The following NPSR1 variants were observed in gnomAD, a reference collection of about 807,000 sequenced individuals.
NPSR1 encodes neuropeptide S receptor.
NPSR1 carries 48 observed loss-of-function variants against 46.9 expected under a neutral mutation model. The observed-to-expected ratio is 1.02, with a 90% CI of 0.81 to 1.30. NPSR1 has a LOEUF of 1.30. Ranked by LOEUF, NPSR1 falls within the 50% of genes most tolerant of loss-of-function variation. NPSR1 has a pLI of 0.00. For synonymous variants in NPSR1, 176 were observed against 168.1 expected, an observed-to-expected ratio of 1.05 and a Z score of -0.36; for missense variants, 450 against 449.5, an observed-to-expected ratio of 1.00 and a Z score of -0.01.
chr7:34,860,852 C>T (rs1228798795), intron 8 of NPSR1, among the ~76,000 whole-genome samples: 1 of 151,874 alleles, frequency 6.6e-6, no homozygotes, highest in African/African-American at 2.4e-5. Flanking sequence ...CCCACTCTCC[C>T]CACTCCCATC....
chr7:34,689,443 A>C (rs955048283), intron 2 of NPSR1, among the ~76,000 whole-genome samples: 21 of 151,546 alleles, frequency 1.4e-4, no homozygotes, highest in African/African-American at 5.1e-4. Flanking sequence ...GTTTCTACTA[A>C]AAATGCAAAA....
chr7:34,817,731 G>A (rs896307872), intron 4 of NPSR1, among the ~76,000 whole-genome samples: 28 of 151,646 alleles, frequency 1.8e-4, no homozygotes, highest in Admixed American at 4.6e-4. Flanking sequence ...TGATCAAGTC[G>A]GCTTCATCCC....
chr7:34,757,477 T>C (rs535186457), intron 2 of NPSR1, among the ~76,000 whole-genome samples: 5 of 152,242 alleles, frequency 3.3e-5, no homozygotes, highest in African/African-American at 9.6e-5. Context: ...ACTTCCTTAG[T>C]GACAAAGATT....
At chr7:34,702,003 A>T (rs578185271) in intron 2 of NPSR1, among the ~76,000 whole-genome samples, 7 of 152,206 alleles carry the variant, frequency 4.6e-5, no homozygotes, top group Non-Finnish European at 1.0e-4. Context: ...ATAAGGATTT[A>T]TTTTTATCTT....
intron 2 of NPSR1, among the ~76,000 whole-genome samples, chr7:34,713,084 C>T (rs1246957594): frequency 6.6e-6 from 1 of 152,130 alleles, no homozygotes; most frequent in Non-Finnish European, 1.5e-5. Flanking sequence ...TTAAGGACAC[C>T]GCCCTTCTGT....
At chr7:34,744,561 TC>T (rs1405612263) in intron 2 of NPSR1, among the ~76,000 whole-genome samples, 1 of 152,200 alleles carries the variant, frequency 6.6e-6, no homozygotes, top group Non-Finnish European at 1.5e-5. Context: ...TGGCTGGACT[TC>T]CTTCTAGTGT....
chr7:34,679,772 T>C lies in NPSR1; in HGVS notation c.148-4780T>C, dbSNP rs1583792491. Reference sequence around the variant, plus strand: ...TTTCATTAAAATGTGTAAACAAAAATTATTAGTAATAAAAGGTAAACTTTA... The same window carrying C: ...TTTCATTAAAATGTGTAAACAAAAACTATTAGTAATAAAAGGTAAACTTTA... On this transcript the variant is annotated intron_variant, in intron 1 of 8. Coordinates refer to ENST00000360581, the MANE Select transcript of NPSR1 (RefSeq NM_207172.2). Among the ~76,000 whole-genome samples, 4 of 152,180 alleles carry C rather than the reference T, an allele frequency of 2.6e-5. No homozygotes were observed. In the South Asian group the frequency reaches 8.3e-4, roughly 32 times the overall value.
chr7:34,830,294 C>T (rs867848126), intron 5 of NPSR1, among the ~76,000 whole-genome samples: 2 of 152,152 alleles, frequency 1.3e-5, no homozygotes, highest in Admixed American at 6.5e-5. Flanking sequence ...AGTGTTCACT[C>T]GTGTTCACCA....
intron 3 of NPSR1, among the ~76,000 whole-genome samples, chr7:34,792,783 C>CG (rs1477039743): frequency 4.6e-4 from 64 of 137,708 alleles, no homozygotes; most frequent in Middle Eastern, 3.8e-3. Context: ...ACTCAGGAGG[C>CG]TGAGGTAGTA....
At chr7:34,818,678 G>C (rs557025538) in intron 4 of NPSR1, among the ~76,000 whole-genome samples, 6 of 152,112 alleles carry the variant, frequency 3.9e-5, no homozygotes, top group Non-Finnish European at 7.4e-5. Context: ...GTAGTACAAG[G>C]CCACAGTAAC....
At position 34,849,622 on chromosome 7, in the gene NPSR1, G is replaced by A. The variant is rs1790874540; in HGVS notation, c.1083G>A (p.Glu361=). The change falls in exon 9 of 9, where the codon GAG becomes GAA. Residue 361 remains glutamate, a synonymous_variant. Coordinates refer to ENST00000360581, the MANE Select transcript of NPSR1 (RefSeq NM_207172.2). ...TCCGGGAGAGAACTGAGAGGCATGA[G>A]ATGCAGATTCTGTCCAAGCCAGAAT... ...MTFRERTERH[E]MQILSKPEFI is the part of the protein sequence containing the mutation. 2 of 1,614,072 alleles carry A rather than the reference G, an allele frequency of 1.2e-6. No homozygotes were observed. Among genetic ancestry groups the A allele is most frequent in the African/African-American group, 1.3e-5 (1 of 74,910 alleles).
intron 2 of NPSR1, among the ~76,000 whole-genome samples, chr7:34,761,383 T>A (rs1434952813): frequency 6.6e-6 from 1 of 152,176 alleles, no homozygotes; most frequent in Non-Finnish European, 1.5e-5. Flanking sequence ...GCTAAAAAGC[T>A]GAGGCAAACC....
chr7:34,873,449 G>T (rs936950754), intron 8 of NPSR1, among the ~76,000 whole-genome samples: 2 of 151,698 alleles, frequency 1.3e-5, no homozygotes, highest in Non-Finnish European at 2.9e-5. Flanking sequence ...GCTTTAATTG[G>T]CTCATGATTC....
chr7:34,718,205 C>G (rs1783670140), intron 2 of NPSR1, among the ~76,000 whole-genome samples: 1 of 152,086 alleles, frequency 6.6e-6, no homozygotes, highest in Admixed American at 6.5e-5. Context: ...AAAATGTTAA[C>G]ATAAATGTAA....
chr7:34,815,658 G>A (rs1302967470), intron 4 of NPSR1, among the ~76,000 whole-genome samples: 1 of 152,142 alleles, frequency 6.6e-6, no homozygotes, highest in African/African-American at 2.4e-5. Context: ...GTTAACGGCA[G>A]CCAGAGAGAA....
intron 2 of NPSR1, among the ~76,000 whole-genome samples, chr7:34,709,521 TG>T (rs1783166203): frequency 6.6e-6 from 1 of 152,170 alleles, no homozygotes; most frequent in Non-Finnish European, 1.5e-5. Flanking sequence ...CAGTTTCTTT[TG>T]GGGCCTTCTG....
At chr7:34,834,506 T>C (rs1304942212) in intron 6 of NPSR1, 46 bp downstream of exon 6, 1 of 1,348,980 alleles carries the variant, frequency 7.4e-7, no homozygotes, top group Admixed American at 1.7e-5. Flanking sequence ...AATTTGCTTC[T>C]CCAGAGGTTT....
At chr7:34,670,391 T>A (rs1791989814) in intron 1 of NPSR1, among the ~76,000 whole-genome samples, 1 of 151,912 alleles carries the variant, frequency 6.6e-6, no homozygotes, top group South Asian at 2.1e-4. Flanking sequence ...GCAACAAAAG[T>A]AGTGGGTGAA....
At chr7:34,770,982 C>T (rs2128733156) in intron 2 of NPSR1, among the ~76,000 whole-genome samples, 1 of 152,298 alleles carries the variant, frequency 6.6e-6, no homozygotes, top group African/African-American at 2.4e-5. Context: ...GAGGGCTCAA[C>T]CTAAATGCTT....
Sources: allele counts gnomAD v4.1 joint callset (sites outside exome capture counted in the v4.1 genomes callset), GRCh38; gene constraint gnomAD v4.1.1; transcripts MANE v1.5; gene names NCBI Gene and HGNC (gene_info 2026-07-23, HGNC 2026-07-21).